MAML3: variants seen among roughly 807,000 people sequenced by gnomAD.
MAML3 encodes the protein mastermind-like protein 3.
A neutral mutation model predicts 101.9 loss-of-function variants in MAML3; 27 were observed. The observed-to-expected ratio is 0.27, with a 90% CI of 0.20 to 0.37. MAML3 has a LOEUF of 0.37. Ranked by LOEUF, MAML3 falls within the 10% of genes least tolerant of loss-of-function variation. The pLI is 1.00. For synonymous variants in MAML3, 501 were observed against 555.9 expected (o/e 0.90, Z 1.39); for missense variants, 1,316 against 1,444.9 (o/e 0.91, Z 1.45).
intron 1 of MAML3, among the ~76,000 whole-genome samples, chr4:139,919,226 A>G (rs995068178): frequency 4.6e-5 from 7 of 152,002 alleles, no homozygotes; most frequent in African/African-American, 1.7e-4. Context: ...TGATTTAGAT[A>G]TGGTCTTCAT....
chr4:139,955,192 T>C (rs1270421153), intron 1 of MAML3, among the ~76,000 whole-genome samples: 1 of 152,050 alleles, frequency 6.6e-6, no homozygotes, highest in East Asian at 1.9e-4. Context: ...TATCCAAAAA[T>C]AGAGAAAAGG....
chr4:140,005,406 A>G (rs1726427320), intron 1 of MAML3, among the ~76,000 whole-genome samples: 1 of 152,252 alleles, frequency 6.6e-6, no homozygotes, highest in East Asian at 1.9e-4. Context: ...CTGTCCTCCA[A>G]TGTTGGAAAC....
At chr4:139,863,557 T>G (rs1165521943) in intron 2 of MAML3, among the ~76,000 whole-genome samples, 2 of 151,938 alleles carry the variant, frequency 1.3e-5, no homozygotes, top group Non-Finnish European at 2.9e-5. Context: ...TCCATTTTGG[T>G]CAGGCTGGTC....
chr4:139,934,265 AAG>A (rs1423353877), intron 1 of MAML3, among the ~76,000 whole-genome samples: 5 of 151,534 alleles, frequency 3.3e-5, no homozygotes, highest in African/African-American at 9.7e-5. Flanking sequence ...GAATGTGTGT[AAG>A]AGTGTGTGGG....
At chr4:139,798,753 G>A (rs1209721055) in intron 2 of MAML3, among the ~76,000 whole-genome samples, 1 of 152,134 alleles carries the variant, frequency 6.6e-6, no homozygotes, top group Non-Finnish European at 1.5e-5. Flanking sequence ...CATTCTGCCA[G>A]TTTCTAAATT....
intron 1 of MAML3, among the ~76,000 whole-genome samples, chr4:139,989,515 TC>T (rs1734618275): frequency 6.6e-6 from 1 of 152,090 alleles, no homozygotes; most frequent in Non-Finnish European, 1.5e-5. Context: ...GTCTAACCTT[TC>T]AGCTCAGCCA....
intron 1 of MAML3, among the ~76,000 whole-genome samples, chr4:140,008,771 C>T (rs576914262): frequency 5.9e-5 from 9 of 152,236 alleles, no homozygotes; most frequent in Admixed American, 5.2e-4. Context: ...CACGCGCACA[C>T]ACAAACATTA....
At chr4:139,803,179 C>G (rs374731508) in intron 2 of MAML3, among the ~76,000 whole-genome samples, 1 of 152,128 alleles carries the variant, frequency 6.6e-6, no homozygotes, top group African/African-American at 2.4e-5. Flanking sequence ...TTGCTTGAGC[C>G]TGAGAGGCAG....
chr4:140,147,130 TCA>T (rs1491446661), intron 1 of MAML3, among the ~76,000 whole-genome samples: 11 of 18,490 alleles, frequency 5.9e-4, no homozygotes, highest in Non-Finnish European at 5.9e-4. Context: ...AGACTCCATC[TCA>T]AAAAAAAAAA....
intron 2 of MAML3, among the ~76,000 whole-genome samples, chr4:139,854,382 T>C (rs1731618443): frequency 2.7e-5 from 4 of 150,678 alleles, no homozygotes. Context: ...AAATATGGGC[T>C]ATAAACCTAA....
chr4:139,988,752 G>C lies in MAML3; in HGVS notation c.469-97785C>G, dbSNP rs1040298281. On this transcript the variant is annotated intron_variant, in intron 1 of 4. Transcript: ENST00000509479. Reference sequence around the variant, plus strand: ...GAACTCAAACTGTGTACTTAAAATTGGTGCATTTGTTGTATGTAAACTTCA... The same window carrying C: ...GAACTCAAACTGTGTACTTAAAATTCGTGCATTTGTTGTATGTAAACTTCA... Among the ~76,000 whole-genome samples the C allele has an allele frequency of 3.3e-5, 5 of 152,140 alleles. No individual in the cohort carries two copies. The East Asian group carries it at 9.6e-4, about 29-fold the overall frequency.
intron 2 of MAML3, among the ~76,000 whole-genome samples, chr4:139,787,061 G>A (rs1578600779): frequency 6.6e-6 from 1 of 152,328 alleles, no homozygotes; most frequent in Middle Eastern, 3.4e-3. Flanking sequence ...AATTGAACAT[G>A]CCTCAGTTGG....
intron 1 of MAML3, among the ~76,000 whole-genome samples, chr4:139,921,810 G>A (rs1258648795): frequency 6.6e-6 from 1 of 152,180 alleles, no homozygotes; most frequent in Non-Finnish European, 1.5e-5. Flanking sequence ...TTGTTTCCTG[G>A]CCTAACGGAT....
At chr4:139,917,356 C>T (rs943068429) in intron 1 of MAML3, among the ~76,000 whole-genome samples, 8 of 152,132 alleles carry the variant, frequency 5.3e-5, no homozygotes, top group African/African-American at 1.9e-4. Context: ...TGAACTGATG[C>T]CATCCAATAA....
intron 1 of MAML3, among the ~76,000 whole-genome samples, chr4:140,117,794 C>T (rs1214303673): frequency 6.6e-6 from 1 of 151,770 alleles, no homozygotes; most frequent in Non-Finnish European, 1.5e-5. Context: ...TAGGTATATC[C>T]TTAATAAAAT....
intron 1 of MAML3, among the ~76,000 whole-genome samples, chr4:139,991,519 A>C (rs1429934698): frequency 6.6e-6 from 1 of 152,236 alleles, no homozygotes; most frequent in Non-Finnish European, 1.5e-5. Context: ...AAGATGTTGA[A>C]TAAGAATAGT....
Position 139,735,320 on chromosome 4 carries a change from C to G in MAML3, c.2080-4653G>C, listed in dbSNP as rs748929408. ...TGTATCTCTGGGGTTATCTGCCCCC[C>G]TCCTCCGACTGACACTGAACTGGTT... On this transcript the variant is annotated intron_variant, in intron 2 of 4. Coordinates refer to ENST00000509479, the MANE Select transcript of MAML3 (RefSeq NM_018717.5). This position sits in a 1 kb window ranked among gnomAD's most constrained non-coding sequence, Gnocchi z 5.8. 2.0e-5 allele frequency among the ~76,000 whole-genome samples: 3 copies of G among 152,340 alleles called. No homozygotes were observed. The Middle Eastern group carries it at 0.01, about 518-fold the overall frequency.
chr4:139,850,470 T>C (rs182965567), intron 2 of MAML3, among the ~76,000 whole-genome samples: 371 of 152,332 alleles, frequency 2.4e-3, no homozygotes, highest in South Asian at 7.0e-3. Context: ...CCAAGGCTAT[T>C]AGCCCATGAG....
chr4:139,790,827 G>A (rs532496562), intron 2 of MAML3, among the ~76,000 whole-genome samples: 2 of 152,172 alleles, frequency 1.3e-5, no homozygotes, highest in South Asian at 2.1e-4. Context: ...CTACCTTTTG[G>A]CTATTGTGAA....
Sources: gnomAD v4.1 joint callset for allele counts (sites outside exome capture counted in the v4.1 genomes callset) on GRCh38, gnomAD v4.1.1 for gene constraint, Gnocchi (gnomAD v3.1) non-coding constraint, MANE v1.5 for transcripts, NCBI Gene and HGNC (gene_info 2026-07-23, HGNC 2026-07-21) for gene names.